The following FAF1 variants were observed in gnomAD, a reference collection of about 807,000 sequenced individuals.
FAF1 encodes the protein Fas associated factor 1.
A neutral mutation model predicts 92.5 loss-of-function variants in FAF1; 25 were observed. That is an observed-to-expected ratio of 0.27 (90% CI 0.20 to 0.38). The LOEUF is 0.38. Ranked by LOEUF, FAF1 falls within the 10% of genes least tolerant of loss-of-function variation. The pLI is 1.00. For missense variants in FAF1, 636 were observed against 793.3 expected (o/e 0.80, Z 2.38); for synonymous variants, 234 against 273.2 (o/e 0.86, Z 1.42).
chr1:50,585,840 A>G (rs1300323499), intron 9 of FAF1, among the ~76,000 whole-genome samples: 1 of 150,928 alleles, frequency 6.6e-6, no homozygotes, highest in Non-Finnish European at 1.5e-5. Context: ...TATAAGACTC[A>G]TAATTAGCCT....
intron 15 of FAF1, among the ~76,000 whole-genome samples, chr1:50,523,871 A>G (rs928583481): frequency 3.9e-5 from 6 of 152,344 alleles, no homozygotes; most frequent in Admixed American, 3.3e-4. Context: ...AAGTGTCTTT[A>G]TAACAGAACA....
At chr1:50,850,696 A>G (rs763575863) in intron 2 of FAF1, among the ~76,000 whole-genome samples, 2 of 152,144 alleles carry the variant, frequency 1.3e-5, no homozygotes, top group Non-Finnish European at 2.9e-5. Flanking sequence ...TAGGAAACAG[A>G]AATTTTGTAC....
intron 7 of FAF1, among the ~76,000 whole-genome samples, chr1:50,658,220 TATTACTTTGAA>T (rs1233391399): frequency 6.6e-6 from 1 of 152,100 alleles, no homozygotes. Flanking sequence ...ATTAAGAAAT[TATTACTTTGAA>T]ATAATTTCTT....
intron 2 of FAF1, among the ~76,000 whole-genome samples, chr1:50,839,685 C>T (rs1386641120): frequency 6.6e-6 from 1 of 151,962 alleles, no homozygotes; most frequent in Non-Finnish European, 1.5e-5. Context: ...TCTTCAATAC[C>T]AGAAAACAGT....
intron 6 of FAF1, among the ~76,000 whole-genome samples, chr1:50,725,848 A>G (rs1658626249): frequency 6.6e-6 from 1 of 152,198 alleles, no homozygotes. Context: ...AACAAACAGC[A>G]CTAATTCAAA....
chr1:50,705,336 C>T (rs768540221), intron 7 of FAF1, among the ~76,000 whole-genome samples: 1 of 152,340 alleles, frequency 6.6e-6, no homozygotes, highest in African/African-American at 2.4e-5. Context: ...CTTAGGCATA[C>T]TGCCCAAGGG....
chr1:50,656,193 C>A (rs139786612), intron 7 of FAF1, among the ~76,000 whole-genome samples: 1 of 151,700 alleles, frequency 6.6e-6, no homozygotes, highest in African/African-American at 2.4e-5. Flanking sequence ...ATTAGCCAGG[C>A]GTGGTGGCGG....
intron 7 of FAF1, among the ~76,000 whole-genome samples, chr1:50,675,242 T>C (rs1656068606): frequency 6.6e-6 from 1 of 152,214 alleles, no homozygotes; most frequent in South Asian, 2.1e-4. Flanking sequence ...TGTGCATATA[T>C]TAATGTTTCT....
At chr1:50,597,967 C>T (rs1651909889) in intron 8 of FAF1, among the ~76,000 whole-genome samples, 1 of 152,158 alleles carries the variant, frequency 6.6e-6, no homozygotes, top group Non-Finnish European at 1.5e-5. Flanking sequence ...TTCACTTCTA[C>T]TATTCACTCG....
intron 6 of FAF1, among the ~76,000 whole-genome samples, chr1:50,725,581 G>C (rs560808740): frequency 6.6e-6 from 1 of 152,218 alleles, no homozygotes; most frequent in African/African-American, 2.4e-5. Context: ...TCAGCTATAC[G>C]AGTAGCTGGG....
intron 17 of FAF1, among the ~76,000 whole-genome samples, chr1:50,481,859 G>A (rs2149002788): frequency 6.6e-6 from 1 of 152,268 alleles, no homozygotes; most frequent in South Asian, 2.1e-4. Context: ...CTTGACTGAA[G>A]AATAGCAAGG....
chr1:50,794,943 A>T lies in FAF1; in HGVS notation c.161+6688T>A, dbSNP rs116194089. ...TGAGCCACCGTACCTGGCTAAATAT[A>T]TTTGTTTCTTAAGTGAATATTCTCT... On this transcript the variant is annotated intron_variant, in intron 3 of 18. Coordinates refer to ENST00000396153, the MANE Select transcript of FAF1 (RefSeq NM_007051.3). Among the ~76,000 whole-genome samples the T allele has an allele frequency of 2.2e-3, 335 of 152,150 alleles. 1 individual carries two copies. The highest frequency in any genetic ancestry group is 7.9e-3 in the African/African-American group (326 of 41,526).
At chr1:50,748,528 A>G (rs988644901) in intron 4 of FAF1, among the ~76,000 whole-genome samples, 3 of 151,864 alleles carry the variant, frequency 2.0e-5, no homozygotes, top group African/African-American at 7.3e-5. Flanking sequence ...AAGAAAAATG[A>G]CTGAAAGGTA....
rs140204530 is a variant in FAF1 at position 50,698,752 on chromosome 1, A to T, written c.657+7034T>A. On this transcript the variant is annotated intron_variant, in intron 7 of 18. Transcript: ENST00000396153. ...CTCCTCACCCTATAACTTACATTTC[A>T]ATGAGCACTCCCAAAGTATGAGTAC... is the stretch of plus-strand genomic sequence containing the variant. Among the ~76,000 whole-genome samples, 268 of 152,226 alleles carry T rather than the reference A, an allele frequency of 1.8e-3. 1 individual carries two copies. Among genetic ancestry groups the T allele is most frequent in the African/African-American group, 6.3e-3 (260 of 41,552 alleles).
chr1:50,548,401 C>T (rs1159153814), intron 13 of FAF1, among the ~76,000 whole-genome samples: 1 of 152,154 alleles, frequency 6.6e-6, no homozygotes, highest in East Asian at 1.9e-4. Flanking sequence ...AGAACCATTG[C>T]TTACTCACCT....
intron 1 of FAF1, among the ~76,000 whole-genome samples, chr1:50,926,771 C>G (rs1645009301): frequency 6.6e-6 from 1 of 152,078 alleles, no homozygotes; most frequent in Non-Finnish European, 1.5e-5. Context: ...TGGTTATGTA[C>G]CCAAAAGACT....
chr1:50,590,007 GCTCT>G (rs1189568743), intron 9 of FAF1, among the ~76,000 whole-genome samples: 1 of 152,102 alleles, frequency 6.6e-6, no homozygotes, highest in Non-Finnish European at 1.5e-5. Flanking sequence ...GTATGTTGGG[GCTCT>G]CTATTATATT....
At chr1:50,575,249 T>G (rs2149061722) in intron 12 of FAF1, among the ~76,000 whole-genome samples, 1 of 152,300 alleles carries the variant, frequency 6.6e-6, no homozygotes, top group Non-Finnish European at 1.5e-5. Context: ...TTGAACTAAT[T>G]TAAGAAATAA....
intron 1 of FAF1, among the ~76,000 whole-genome samples, chr1:50,917,624 A>AAAAGG (rs149219997): frequency 0.069 from 4,968 of 72,020 alleles, 350 homozygotes; most frequent in Middle Eastern, 0.092. Flanking sequence ...AGGGAAAGGA[A>AAAAGG]AAAGGAAAGG....
Sources: allele counts gnomAD v4.1 joint callset (sites outside exome capture counted in the v4.1 genomes callset), GRCh38; gene constraint gnomAD v4.1.1; transcripts MANE v1.5; gene names NCBI Gene and HGNC (gene_info 2026-07-23, HGNC 2026-07-21).